DSE: variants seen among roughly 807,000 people sequenced by gnomAD.
The protein encoded by DSE is dermatan-sulfate epimerase.
In DSE, 36 loss-of-function variants were observed where a neutral mutation model predicts 84.4. That is an observed-to-expected ratio of 0.43 (90% CI 0.33 to 0.56). DSE has a LOEUF of 0.56. Among genes scored for constraint, DSE ranks in the 20% least tolerant of loss-of-function variants. The probability of loss-of-function intolerance (pLI) is 0.06; values close to 1 mark genes in which losing one functional copy is unlikely to be tolerated. For missense variants in DSE, 862 were observed against 1,169.6 expected, an observed-to-expected ratio of 0.74 and a Z score of 3.84; for synonymous variants, 410 against 430.1, an observed-to-expected ratio of 0.95 and a Z score of 0.58.
intron 1 of DSE, 118 bp from the exon 2 acceptor site, chr6:116,399,079 TA>T: frequency 1.2e-6 from 1 of 865,174 alleles, no homozygotes; most frequent in Non-Finnish European, 1.7e-6. Flanking sequence ...GTTGTATTTT[TA>T]AAAATCTAAA....
At position 116,441,814 on chromosome 6, in the gene DSE, C is replaced by T. The variant is rs1400047036; in HGVS notation, c.*4469C>T. 1 of 152,134 alleles carries T rather than the reference C, an allele frequency of 6.6e-6. No individual in the cohort carries two copies. The highest frequency in any genetic ancestry group is 1.5e-5 in the Non-Finnish European group (1 of 68,030). 9.4% of individuals were successfully genotyped at this position (152,134 alleles called of 1,614,324 possible). A position where few individuals can be genotyped will look rare whatever the true frequency, so the allele number is the denominator to read the frequency against. On this transcript the variant is annotated 3_prime_UTR_variant, in exon 6 of 6. Transcript: ENST00000644252. ...ACTTTTCAGTTGAGTTAACAAATAA[C>T]GAATGACAATAACATGTTTACAGAG...
intron 2 of DSE, among the ~76,000 whole-genome samples, chr6:116,363,706 A>G (rs1369638578): frequency 6.6e-6 from 1 of 152,196 alleles, no homozygotes; most frequent in Non-Finnish European, 1.5e-5. Context: ...ATCGGGGAGA[A>G]ATTACATCAT....
At position 116,443,782 on chromosome 6, in the gene DSE, G is replaced by T. The variant is rs1288718921; in HGVS notation, c.*6437G>T. ...TTCCAAATTAAATAATGAGAAGTGT[G>T]TTTAGTATTTATTTAGGAATTCTTT... On this transcript the variant is annotated 3_prime_UTR_variant, in exon 6 of 6. Transcript: ENST00000644252. The T allele has an allele frequency of 6.6e-6, 1 of 152,146 alleles. No homozygotes were observed. The highest frequency in any genetic ancestry group is 2.4e-5 in the African/African-American group (1 of 41,428). The allele number at this position is 152,146 out of a possible 1,614,324, so 9.4% of individuals were successfully genotyped here. A position where few individuals can be genotyped will look rare whatever the true frequency, so the allele number is the denominator to read the frequency against.
At chr6:116,295,715 A>G (rs1774622042) in intron 2 of DSE, among the ~76,000 whole-genome samples, 1 of 152,206 alleles carries the variant, frequency 6.6e-6, no homozygotes, top group African/African-American at 2.4e-5. Context: ...GTCTTAATTT[A>G]TAGTTTAAGT....
At chr6:116,254,737 G>C (rs1478633023) in intron 1 of DSE, 1 of 153,824 alleles carries the variant, frequency 6.5e-6, no homozygotes, top group Non-Finnish European at 1.4e-5. Context: ...CTTACGTAGA[G>C]GTGACTGGCA....
chr6:116,398,065 A>G (rs1781368249), intron 1 of DSE, among the ~76,000 whole-genome samples: 1 of 148,692 alleles, frequency 6.7e-6, no homozygotes, highest in Admixed American at 6.7e-5. Flanking sequence ...TTCCACCATC[A>G]GTTTCTCCCT....
At chr6:116,388,719 C>A (rs1389429366) in intron 1 of DSE, among the ~76,000 whole-genome samples, 1 of 152,028 alleles carries the variant, frequency 6.6e-6, no homozygotes, top group Non-Finnish European at 1.5e-5. Flanking sequence ...TTCATCAGGA[C>A]TTATATTTCT....
Position 116,443,640 on chromosome 6 carries a change from C to T in DSE, c.*6295C>T, listed in dbSNP as rs1222873561. On this transcript the variant is annotated 3_prime_UTR_variant, in exon 6 of 6. Transcript: ENST00000644252. Reference sequence around the variant, plus strand: ...AATCAGAAAAGTAAAAGTGCTGCTCCTTCTGCATATCTCTAGAAATTTGTT... The same window carrying T: ...AATCAGAAAAGTAAAAGTGCTGCTCTTTCTGCATATCTCTAGAAATTTGTT... The T allele has an allele frequency of 6.6e-6, 1 of 152,172 alleles. No individual in the cohort carries two copies. The highest frequency in any genetic ancestry group is 1.5e-5 in the Non-Finnish European group (1 of 68,034). 9.4% of individuals were successfully genotyped at this position (152,172 alleles called of 1,614,324 possible). A position where few individuals can be genotyped will look rare whatever the true frequency, so the allele number is the denominator to read the frequency against.
chr6:116,370,793 G>T (rs1053312136), upstream of DSE: 2 of 978,770 alleles, frequency 2.0e-6, no homozygotes, highest in Non-Finnish European at 2.4e-6. Flanking sequence ...TCGGCCGGGG[G>T]AGGGGGTCCC....
intron 2 of DSE, among the ~76,000 whole-genome samples, chr6:116,262,404 T>A (rs938604931): frequency 1.3e-5 from 2 of 152,220 alleles, no homozygotes; most frequent in Non-Finnish European, 2.9e-5. Flanking sequence ...TTTATGAGCA[T>A]AGAGGTGTTC....
rs543739924 is a variant in DSE at position 116,287,106 on chromosome 6, A to G, written c.-54+28139A>G. Among the ~76,000 whole-genome samples the G allele has an allele frequency of 5.9e-5, 9 of 152,202 alleles. No individual in the cohort carries two copies. The South Asian group carries it at 1.9e-3, about 32-fold the overall frequency. On this transcript the variant is annotated intron_variant, in intron 2 of 3. Transcript: ENST00000430252. ...CATTAATCTCTTTGAAAGACTCAAA[A>G]AAGTACTGACATCAAAACTTACAAT...
intron 2 of DSE, among the ~76,000 whole-genome samples, chr6:116,307,599 T>C (rs1158993234): frequency 6.6e-6 from 1 of 152,244 alleles, no homozygotes; most frequent in Admixed American, 6.5e-5. Context: ...TCTCTAAAGG[T>C]AGTACGAAGT....
chr6:116,319,860 C>A (rs1776199823), intron 2 of DSE, among the ~76,000 whole-genome samples: 1 of 152,170 alleles, frequency 6.6e-6, no homozygotes. Flanking sequence ...GTTTACACAT[C>A]TTTGCACTTC....
intron 2 of DSE, among the ~76,000 whole-genome samples, chr6:116,320,256 A>C (rs1776221208): frequency 6.6e-6 from 1 of 152,102 alleles, no homozygotes; most frequent in Non-Finnish European, 1.5e-5. Context: ...TATATATTTT[A>C]TTGCAAAGGT....
chr6:116,346,482 C>T (rs369618748), intron 2 of DSE, among the ~76,000 whole-genome samples: 184 of 152,262 alleles, frequency 1.2e-3, no homozygotes, highest in African/African-American at 3.8e-3. Flanking sequence ...AATCAATAAA[C>T]GTAATCCAGC....
chr6:116,293,873 G>A (rs913177119), intron 2 of DSE, among the ~76,000 whole-genome samples: 14 of 151,578 alleles, frequency 9.2e-5, no homozygotes, highest in Non-Finnish European at 1.6e-4. Context: ...AGAATGAGAC[G>A]TTGCCTCAAA....
intron 2 of DSE, among the ~76,000 whole-genome samples, chr6:116,415,113 T>C (rs1456813100): frequency 6.6e-6 from 1 of 152,224 alleles, no homozygotes; most frequent in East Asian, 1.9e-4. Flanking sequence ...TGGAGATATT[T>C]TCCACTGGCT....
chr6:116,362,258 C>T (rs1020784950), intron 2 of DSE, among the ~76,000 whole-genome samples: 4 of 152,200 alleles, frequency 2.6e-5, no homozygotes, highest in Admixed American at 2.0e-4. Flanking sequence ...ATAAGAATCA[C>T]CTGCAGAGTT....
chr6:116,381,829 G>A (rs1366151556), intron 1 of DSE, among the ~76,000 whole-genome samples: 2 of 152,096 alleles, frequency 1.3e-5, no homozygotes, highest in African/African-American at 2.4e-5. Context: ...CAGACAAGGT[G>A]GCTTAAACAA....
Sources: allele counts gnomAD v4.1 joint callset (sites outside exome capture counted in the v4.1 genomes callset), GRCh38; gene constraint gnomAD v4.1.1; transcripts MANE v1.5; gene names NCBI Gene and HGNC (gene_info 2026-07-23, HGNC 2026-07-21).